The following PDE4D variants were observed in gnomAD, a reference collection of about 807,000 sequenced individuals.
PDE4D encodes the protein 3',5'-cyclic-AMP phosphodiesterase 4D.
Under a neutral mutation model 87.4 loss-of-function variants are expected in PDE4D, and 24 were observed. The observed-to-expected ratio is 0.27, with a 90% CI of 0.20 to 0.39. PDE4D has a LOEUF of 0.39. PDE4D is among the 10% of genes least tolerant of loss of function. PDE4D has a pLI of 1.00. For synonymous variants in PDE4D, 384 were observed against 383.2 expected (o/e 1.00, Z -0.02); for missense variants, 714 against 1,041.0 (o/e 0.69, Z 4.32).
intron 1 of PDE4D, among the ~76,000 whole-genome samples, chr5:59,325,235 G>C (rs1561959382): frequency 6.6e-6 from 1 of 152,096 alleles, no homozygotes; most frequent in African/African-American, 2.4e-5. Context: ...ACTTAAAAGG[G>C]GGAAACCTAA....
At chr5:60,038,285 T>C (rs1409667728) in intron 2 of PDE4D, among the ~76,000 whole-genome samples, 1 of 152,222 alleles carries the variant, frequency 6.6e-6, no homozygotes, top group African/African-American at 2.4e-5. Context: ...GTAATCCATC[T>C]TGAATTGATT....
intron 1 of PDE4D, among the ~76,000 whole-genome samples, chr5:59,287,020 C>T (rs1308604211): frequency 6.6e-6 from 1 of 152,124 alleles, no homozygotes; most frequent in African/African-American, 2.4e-5. Context: ...ACTCTCCACA[C>T]AAAAAAGCAC....
intron 2 of PDE4D, among the ~76,000 whole-genome samples, chr5:60,090,091 A>ATG (rs1774970855): frequency 2.0e-5 from 3 of 152,136 alleles, no homozygotes; most frequent in Non-Finnish European, 4.4e-5. Flanking sequence ...CAAACGATTA[A>ATG]AGAATAACCT....
chr5:59,122,809 A>G (rs1431365451), intron 5 of PDE4D, among the ~76,000 whole-genome samples: 1 of 152,210 alleles, frequency 6.6e-6, no homozygotes, highest in African/African-American at 2.4e-5. Context: ...AACATTCCAA[A>G]GTAAAACCCC....
intron 1 of PDE4D, among the ~76,000 whole-genome samples, chr5:60,373,794 G>T (rs1761218664): frequency 6.6e-6 from 1 of 152,102 alleles, no homozygotes; most frequent in South Asian, 2.1e-4. Flanking sequence ...GCTTCCAAGG[G>T]CCGTCCTTAT....
At chr5:59,464,187 C>T (rs1801208219) in intron 1 of PDE4D, among the ~76,000 whole-genome samples, 1 of 152,114 alleles carries the variant, frequency 6.6e-6, no homozygotes, top group Admixed American at 6.5e-5. Flanking sequence ...ACCTGACCGT[C>T]CCCCAGCCCG....
At chr5:60,064,523 C>T (rs916854322) in intron 2 of PDE4D, among the ~76,000 whole-genome samples, 1 of 152,068 alleles carries the variant, frequency 6.6e-6, no homozygotes, top group Non-Finnish European at 1.5e-5. Context: ...CACTACTTTG[C>T]AATCTTCTTA....
chr5:59,649,909 T>TC (rs1561403110), intron 1 of PDE4D, among the ~76,000 whole-genome samples: 1 of 106,386 alleles, frequency 9.4e-6, no homozygotes, highest in African/African-American at 4.0e-5. Context: ...GTGAACCTTT[T>TC]TTTTTTTTTT....
intron 1 of PDE4D, among the ~76,000 whole-genome samples, chr5:60,315,178 C>G (rs1755443243): frequency 6.6e-6 from 1 of 152,206 alleles, no homozygotes; most frequent in Admixed American, 6.5e-5. Flanking sequence ...GATCACCATT[C>G]TAACTGGTGT....
At chr5:59,520,663 A>G (rs895531037) in intron 1 of PDE4D, among the ~76,000 whole-genome samples, 2 of 152,062 alleles carry the variant, frequency 1.3e-5, no homozygotes, top group Admixed American at 1.3e-4. Flanking sequence ...TGGAACCTTT[A>G]TTAAAAAAAA....
chr5:59,596,675 G>A (rs981633558), intron 1 of PDE4D, among the ~76,000 whole-genome samples: 2 of 151,944 alleles, frequency 1.3e-5, no homozygotes, highest in African/African-American at 4.8e-5. Context: ...ACTTATGTCT[G>A]CCTATGTTTC....
intron 3 of PDE4D, among the ~76,000 whole-genome samples, chr5:59,901,536 T>C (rs541185576): frequency 2.1e-4 from 32 of 152,150 alleles, no homozygotes; most frequent in South Asian, 1.2e-3. Flanking sequence ...TAGCAACCCA[T>C]GTAACTCTCA....
At chr5:59,752,824 T>C (rs1760674119) in intron 1 of PDE4D, among the ~76,000 whole-genome samples, 1 of 152,120 alleles carries the variant, frequency 6.6e-6, no homozygotes, top group Non-Finnish European at 1.5e-5. Context: ...GAAGTATCCA[T>C]AGGACACAAT....
At chr5:60,234,859 ATTT>A (rs1375641365) in intron 1 of PDE4D, among the ~76,000 whole-genome samples, 1 of 151,812 alleles carries the variant, frequency 6.6e-6, no homozygotes, top group Non-Finnish European at 1.5e-5. Flanking sequence ...ATCCTTTATT[ATTT>A]TATTGATGCC....
At chr5:60,274,925 T>C (rs1751214352) in intron 1 of PDE4D, among the ~76,000 whole-genome samples, 1 of 152,228 alleles carries the variant, frequency 6.6e-6, no homozygotes, top group African/African-American at 2.4e-5. Flanking sequence ...CAGTGTGTAA[T>C]ATCCAGACCA....
At position 59,586,763 on chromosome 5, in the gene PDE4D, G is replaced by A. The variant is rs1173248742; in HGVS notation, c.455+306405C>T. The A allele has an allele frequency of 3.0e-6, 3 of 985,350 alleles. No homozygotes were observed. The African/African-American group carries it at 5.2e-5, about 17-fold the overall frequency. 61.0% of individuals were successfully genotyped at this position (985,350 alleles called of 1,614,324 possible). A position where few individuals can be genotyped will look rare whatever the true frequency, so the allele number is the denominator to read the frequency against. ...AAGGAAGGACTCTGGAATGTGGGAA[G>A]AAAGGAGTCAAAAGACAGTTTCTTG... On this transcript the variant is annotated intron_variant, in intron 1 of 14. Transcript: ENST00000340635.
chr5:59,793,513 C>T (rs1766063585), intron 1 of PDE4D, among the ~76,000 whole-genome samples: 1 of 152,186 alleles, frequency 6.6e-6, no homozygotes, highest in South Asian at 2.1e-4. Context: ...CAATGTCCAA[C>T]CAAAACAACC....
At chr5:59,658,182 T>C (rs947891057) in intron 1 of PDE4D, among the ~76,000 whole-genome samples, 1 of 152,228 alleles carries the variant, frequency 6.6e-6, no homozygotes, top group African/African-American at 2.4e-5. Context: ...AATTTTTAAA[T>C]ATATCTTATT....
chr5:59,174,474 T>C (rs1365198435), intron 5 of PDE4D: 1 of 152,676 alleles, frequency 6.5e-6, no homozygotes, highest in Non-Finnish European at 1.5e-5. Flanking sequence ...TCACCGCTCC[T>C]GTAGAAGAAT....
Sources: allele counts gnomAD v4.1 joint callset (sites outside exome capture counted in the v4.1 genomes callset), GRCh38; gene constraint gnomAD v4.1.1; transcripts MANE v1.5; gene names NCBI Gene and HGNC (gene_info 2026-07-23, HGNC 2026-07-21).